Variants in PRKN observed in about 807,000 individuals in gnomAD.
PRKN encodes E3 ubiquitin-protein ligase parkin.
Under a neutral mutation model 59.5 loss-of-function variants are expected in PRKN, and 56 were observed. That is an observed-to-expected ratio of 0.94 (90% confidence interval 0.76 to 1.18). The LOEUF is 1.18. PRKN is among the 50% of genes most tolerant of loss of function. PRKN has a pLI of 0.00. For synonymous variants in PRKN, 250 were observed against 222.1 expected, an observed-to-expected ratio of 1.13 and a Z score of -1.12; for missense variants, 657 against 596.4, an observed-to-expected ratio of 1.10 and a Z score of -1.06.
At chr6:162,147,283 C>T (rs1296754038) in intron 4 of PRKN, among the ~76,000 whole-genome samples, 1 of 141,256 alleles carries the variant, frequency 7.1e-6, no homozygotes, top group Non-Finnish European at 1.5e-5. Context: ...GTGGAGGCTG[C>T]AGTGAGCCAA....
chr6:161,392,162 C>A (rs997777807), intron 9 of PRKN, among the ~76,000 whole-genome samples: 1 of 151,808 alleles, frequency 6.6e-6, no homozygotes, highest in African/African-American at 2.4e-5. Flanking sequence ...TGGTCTCGAA[C>A]CCTGACCTCG....
intron 9 of PRKN, among the ~76,000 whole-genome samples, chr6:161,427,733 T>C (rs538715569): frequency 6.6e-6 from 1 of 152,170 alleles, no homozygotes; most frequent in African/African-American, 2.4e-5. Flanking sequence ...AGTATTCAAA[T>C]AGATAGATAA....
chr6:162,517,757 G>T (rs1777925628), intron 1 of PRKN, among the ~76,000 whole-genome samples: 1 of 151,818 alleles, frequency 6.6e-6, no homozygotes, highest in African/African-American at 2.4e-5. Context: ...GAATCATTCT[G>T]GTAAACTAAA....
chr6:161,725,737 T>A (rs982096243), intron 7 of PRKN, among the ~76,000 whole-genome samples: 1 of 152,202 alleles, frequency 6.6e-6, no homozygotes, highest in African/African-American at 2.4e-5. Context: ...AGCTTCCTCA[T>A]CCACAAAATA....
intron 1 of PRKN, chr6:162,568,576 AG>A: frequency 2.8e-6 from 1 of 352,620 alleles, no homozygotes; most frequent in East Asian, 1.0e-4. Flanking sequence ...CAGGAGCAGG[AG>A]AAGGAGAAGG....
In PRKN at chr6:161,592,631, C is replaced by T. The variant is rs1349824541; in HGVS notation, c.872-23215G>A. Among the ~76,000 whole-genome samples the T allele has an allele frequency of 1.3e-5, 2 of 152,086 alleles. No individual in the cohort carries two copies. Among genetic ancestry groups the T allele is most frequent in the Non-Finnish European group, 2.9e-5 (2 of 68,032 alleles). On this transcript the variant is annotated intron_variant, in intron 7 of 11. Coordinates refer to ENST00000366898, the MANE Select transcript of PRKN (RefSeq NM_004562.3). This position sits in a 1 kb window ranked among gnomAD's most constrained non-coding sequence, Gnocchi z 4.8. ...GTACACAAACTAAAGAGAGAAAACCCTAAGGGCTATGGAGAAAGATGAAGC... is the reference window on the plus strand; with the variant it reads ...GTACACAAACTAAAGAGAGAAAACCTTAAGGGCTATGGAGAAAGATGAAGC...
chr6:162,128,599 T>C (rs1456130683), intron 4 of PRKN, among the ~76,000 whole-genome samples: 1 of 152,232 alleles, frequency 6.6e-6, no homozygotes, highest in Non-Finnish European at 1.5e-5. Context: ...ATACTACAAG[T>C]ATCCTGATAA....
At chr6:161,847,422 C>T (rs1793245723) in intron 6 of PRKN, among the ~76,000 whole-genome samples, 2 of 152,332 alleles carry the variant, frequency 1.3e-5, no homozygotes, top group South Asian at 4.1e-4. Context: ...GCAACTTTGT[C>T]CTGCCTTGCC....
At chr6:161,736,707 A>G (rs999220356) in intron 7 of PRKN, among the ~76,000 whole-genome samples, 1 of 152,236 alleles carries the variant, frequency 6.6e-6, no homozygotes, top group African/African-American at 2.4e-5. Flanking sequence ...ATGACTTCCC[A>G]GAGAATGTCA....
intron 4 of PRKN, among the ~76,000 whole-genome samples, chr6:162,170,549 T>C (rs1275914307): frequency 2.6e-5 from 4 of 152,222 alleles, no homozygotes; most frequent in African/African-American, 9.6e-5. Flanking sequence ...TAAATTCTAC[T>C]GCATTCTTGG....
At chr6:162,701,589 C>A (rs1417258499) in intron 1 of PRKN, among the ~76,000 whole-genome samples, 1 of 151,784 alleles carries the variant, frequency 6.6e-6, no homozygotes, top group Non-Finnish European at 1.5e-5. Context: ...TCCAGCACAC[C>A]TGTTCACCAA....
chr6:162,372,329 A>G (rs1204613792), intron 2 of PRKN, among the ~76,000 whole-genome samples: 1 of 152,118 alleles, frequency 6.6e-6, no homozygotes, highest in Non-Finnish European at 1.5e-5. Context: ...GCAGAAGTAA[A>G]CATCCCAGAA....
Position 161,560,358 on chromosome 6 carries a change from C to T in PRKN, c.933+8997G>A, listed in dbSNP as rs1780412457. Reference sequence around the variant, plus strand: ...AGAGGTGAAGATGGTTGTCCCTTGGCTCCTTAACGACGCCCCCAAATGCTT... The same window carrying T: ...AGAGGTGAAGATGGTTGTCCCTTGGTTCCTTAACGACGCCCCCAAATGCTT... On this transcript the variant is annotated intron_variant, in intron 8 of 11. Coordinates refer to ENST00000366898, the MANE Select transcript of PRKN (RefSeq NM_004562.3). The surrounding 1 kb of genome is among the most constrained non-coding windows in gnomAD (Gnocchi z 4.9). 6.6e-6 allele frequency among the ~76,000 whole-genome samples: 1 copy of T among 152,128 alleles called. No homozygotes were observed. The highest frequency in any genetic ancestry group is 6.6e-5 in the Admixed American group (1 of 15,264).
At chr6:162,578,149 A>C (rs1033779996) in intron 1 of PRKN, among the ~76,000 whole-genome samples, 2 of 152,142 alleles carry the variant, frequency 1.3e-5, no homozygotes, top group Non-Finnish European at 2.9e-5. Flanking sequence ...AAATATTTGG[A>C]CAAATTAAAA....
At chr6:162,142,522 A>G (rs1160350052) in intron 4 of PRKN, among the ~76,000 whole-genome samples, 1 of 152,220 alleles carries the variant, frequency 6.6e-6, no homozygotes, top group African/African-American at 2.4e-5. Context: ...GAACATAGTA[A>G]GCGCTATGTG....
At chr6:162,666,175 CT>C (rs1779095838) in intron 1 of PRKN, among the ~76,000 whole-genome samples, 2 of 152,030 alleles carry the variant, frequency 1.3e-5, no homozygotes, top group African/African-American at 4.8e-5. Context: ...TTTAAGATGT[CT>C]ATAAGAAAAG....
chr6:161,802,304 C>T (rs1791115097), intron 6 of PRKN, among the ~76,000 whole-genome samples: 1 of 152,040 alleles, frequency 6.6e-6, no homozygotes, highest in South Asian at 2.1e-4. Context: ...CCACACTGCC[C>T]CTTCTCTGTC....
chr6:161,367,140 G>C (rs897196793), intron 10 of PRKN, among the ~76,000 whole-genome samples: 11 of 151,678 alleles, frequency 7.3e-5, no homozygotes, highest in African/African-American at 2.7e-4. Context: ...ACAGGCGCCC[G>C]CCACCACGCC....
intron 7 of PRKN, among the ~76,000 whole-genome samples, chr6:161,756,699 G>A (rs993095495): frequency 6.6e-6 from 1 of 151,708 alleles, no homozygotes; most frequent in South Asian, 2.1e-4. Flanking sequence ...CTGGGTTAGG[G>A]GTTGAAAGAT....
Sources: allele counts gnomAD v4.1 joint callset (sites outside exome capture counted in the v4.1 genomes callset), GRCh38; gene constraint gnomAD v4.1.1; non-coding constraint Gnocchi (gnomAD v3.1); transcripts MANE v1.5; gene names NCBI Gene and HGNC (gene_info 2026-07-23, HGNC 2026-07-21).